STK39: variants seen among roughly 807,000 people sequenced by gnomAD.
The protein encoded by STK39 is serine/threonine kinase 39.
A neutral mutation model predicts 77.8 loss-of-function variants in STK39; 20 were observed. The observed-to-expected ratio is 0.26, with a 90% CI of 0.18 to 0.37. The LOEUF (loss-of-function observed/expected upper bound fraction) is 0.37. STK39 is among the 10% of genes least tolerant of loss of function. The pLI, the probability that STK39 is intolerant of heterozygous loss-of-function variation, is 1.00. For missense variants in STK39, 479 were observed against 656.5 expected, an observed-to-expected ratio of 0.73 and a Z score of 2.95; for synonymous variants, 246 against 234.1, an observed-to-expected ratio of 1.05 and a Z score of -0.47.
chr2:168,064,104 A>G (rs1186199789), intron 13 of STK39, among the ~76,000 whole-genome samples: 1 of 152,146 alleles, frequency 6.6e-6, no homozygotes, highest in Non-Finnish European at 1.5e-5. Context: ...TTATTGTTGG[A>G]GTAGAAAAAA....
chr2:168,024,297 C>T (rs1684643677), intron 14 of STK39, among the ~76,000 whole-genome samples: 1 of 152,168 alleles, frequency 6.6e-6, no homozygotes, highest in African/African-American at 2.4e-5. Flanking sequence ...CCACAAACTA[C>T]TTATTTGGCC....
At chr2:168,229,640 A>C (rs1690401057) in intron 1 of STK39, among the ~76,000 whole-genome samples, 2 of 152,202 alleles carry the variant, frequency 1.3e-5, no homozygotes, top group African/African-American at 4.8e-5. Flanking sequence ...AATTAAGCAA[A>C]AATCTACCTT....
intron 1 of STK39, among the ~76,000 whole-genome samples, chr2:168,233,800 G>C (rs957970154): frequency 1.3e-5 from 2 of 152,176 alleles, no homozygotes; most frequent in East Asian, 3.9e-4. Flanking sequence ...TTCTGACTAC[G>C]ATATCCAACC....
chr2:168,060,839 C>T (rs1295250561), intron 14 of STK39, among the ~76,000 whole-genome samples: 1 of 151,602 alleles, frequency 6.6e-6, no homozygotes, highest in Non-Finnish European at 1.5e-5. Flanking sequence ...TAGTTCATTA[C>T]TGAAAGTCAC....
intron 10 of STK39, among the ~76,000 whole-genome samples, chr2:168,107,577 T>C (rs1687008087): frequency 6.6e-6 from 1 of 152,222 alleles, no homozygotes; most frequent in Non-Finnish European, 1.5e-5. Context: ...CTGGACTGAC[T>C]CATTATTTGA....
intron 1 of STK39, among the ~76,000 whole-genome samples, chr2:168,236,445 G>C (rs527308392): frequency 1.8e-3 from 269 of 152,262 alleles, no homozygotes; most frequent in African/African-American, 5.2e-3. Flanking sequence ...TGCAGAAGCT[G>C]TTTAGTTTAA....
chr2:168,065,287 C>T (rs755832464), intron 13 of STK39, 32 bp downstream of exon 13: 3 of 1,612,310 alleles, frequency 1.9e-6, no homozygotes, highest in Non-Finnish European at 2.5e-6. Context: ...CTACAAAGCA[C>T]CTCAAACGGA....
chr2:168,227,904 T>G (rs1690348658), intron 1 of STK39, among the ~76,000 whole-genome samples: 1 of 152,024 alleles, frequency 6.6e-6, no homozygotes, highest in Non-Finnish European at 1.5e-5. Context: ...TGATCCGCCC[T>G]CCTCAGCCTC....
intron 16 of STK39, among the ~76,000 whole-genome samples, chr2:167,995,435 T>G (rs1683812789): frequency 6.6e-6 from 1 of 152,056 alleles, no homozygotes; most frequent in African/African-American, 2.4e-5. Flanking sequence ...TTAAACAGGG[T>G]AAGTGATTTT....
rs1311386757 is a variant in STK39 at position 168,165,681 on chromosome 2, TC to T, written c.430+1617del. Among the ~76,000 whole-genome samples, 7 of 62,370 alleles carry T rather than the reference TC, an allele frequency of 1.1e-4. 1 individual carries two copies. The highest frequency in any genetic ancestry group is 3.9e-4 in the East Asian group (1 of 2,566). 40.9% of individuals were successfully genotyped at this position (62,370 alleles called of 152,430 possible). The stretch of plus-strand genomic sequence containing the variant: ...GACTGAAAACAGAACAGAACTAAGC[TC>T]CCCAGGGCTCCCCACCGAGACCTAC... On this transcript the variant is annotated intron_variant, in intron 3 of 17. Coordinates refer to ENST00000355999, the MANE Select transcript of STK39 (RefSeq NM_013233.3).
At chr2:168,150,686 G>A (rs1051049526) in intron 5 of STK39, among the ~76,000 whole-genome samples, 5 of 151,504 alleles carry the variant, frequency 3.3e-5, no homozygotes, top group Admixed American at 6.6e-5. Context: ...TAAATTAAAA[G>A]CAATGGCAAT....
intron 2 of STK39, among the ~76,000 whole-genome samples, chr2:168,170,609 G>T (rs1278246146): frequency 6.6e-6 from 1 of 152,198 alleles, no homozygotes; most frequent in African/African-American, 2.4e-5. Context: ...CTGATGCTGT[G>T]GGTCCAGAAA....
chr2:167,969,788 C>T (rs569931288), intron 16 of STK39, among the ~76,000 whole-genome samples: 2 of 152,328 alleles, frequency 1.3e-5, no homozygotes, highest in African/African-American at 4.8e-5. Flanking sequence ...CTAGACTTCA[C>T]CCAGAGGGCA....
In STK39 at chr2:168,122,396, T is replaced by C. The variant is rs372247705; in HGVS notation, c.1089+7145A>G. ...TTTTTTATGGCTGTGTAGTATTCCA[T>C]AGTGTATATGTACCACATTTTCTTT... On this transcript the variant is annotated intron_variant, in intron 10 of 17. Coordinates refer to ENST00000355999, the MANE Select transcript of STK39 (RefSeq NM_013233.3). Among the ~76,000 whole-genome samples, 8 of 152,314 alleles carry C rather than the reference T, an allele frequency of 5.3e-5. No homozygotes were observed. The South Asian group carries it at 1.7e-3, about 32-fold the overall frequency.
chr2:168,112,018 A>G (rs1445439833), intron 10 of STK39, among the ~76,000 whole-genome samples: 1 of 152,194 alleles, frequency 6.6e-6, no homozygotes, highest in Non-Finnish European at 1.5e-5. Flanking sequence ...CATGTTAAGC[A>G]TTGAAGAGCG....
At chr2:168,232,675 A>G (rs1056047831) in intron 1 of STK39, among the ~76,000 whole-genome samples, 2 of 152,116 alleles carry the variant, frequency 1.3e-5, no homozygotes, top group Non-Finnish European at 2.9e-5. Flanking sequence ...CACTTTGGGA[A>G]GCCGAGGCAG....
In STK39 at chr2:167,955,549, C is replaced by G; in HGVS notation, c.1585G>C (p.Glu529Gln). Residue 529 changes from glutamate to glutamine, a missense_variant, in exon 18 of 18, where the codon GAG (glutamate) becomes CAG (glutamine). Glu to Gln is a conservative substitution (Grantham distance 29). Coordinates refer to ENST00000355999, the MANE Select transcript of STK39 (RefSeq NM_013233.3). Reference sequence around the variant, plus strand: ...ATCAGCTTCACTTCATCAGGAATCTCCGACCCATCACAGCCAGAAGCCTGA... The same window carrying G: ...ATCAGCTTCACTTCATCAGGAATCTGCGACCCATCACAGCCAGAAGCCTGA... ...FKLASGCDGS[E>Q]IPDEVKLIGF... 1 of 1,613,854 alleles carries G rather than the reference C, an allele frequency of 6.2e-7. No homozygotes were observed. The highest frequency in any genetic ancestry group is 1.1e-5 in the South Asian group (1 of 90,998).
chr2:168,227,052 T>C (rs1372539231), intron 1 of STK39, among the ~76,000 whole-genome samples: 1 of 152,164 alleles, frequency 6.6e-6, no homozygotes, highest in African/African-American at 2.4e-5. Flanking sequence ...TAAAAATATT[T>C]ACAGAAAATA....
intron 16 of STK39, among the ~76,000 whole-genome samples, chr2:167,985,358 T>G (rs1230636435): frequency 6.6e-6 from 1 of 152,180 alleles, no homozygotes; most frequent in Admixed American, 6.5e-5. Context: ...ACTTGTTTGT[T>G]TCACACAACA....
Sources: gnomAD v4.1 joint callset for allele counts (sites outside exome capture counted in the v4.1 genomes callset) on GRCh38, gnomAD v4.1.1 for gene constraint, MANE v1.5 for transcripts, NCBI Gene and HGNC (gene_info 2026-07-23, HGNC 2026-07-21) for gene names.